Variants in SUSD6 observed in about 807,000 individuals in gnomAD.
SUSD6 encodes sushi domain containing 6, also known as sushi domain-containing protein 6.
SUSD6 carries 16 observed loss-of-function variants against 28.4 expected under a neutral mutation model. That is an observed-to-expected ratio of 0.56 (90% CI 0.38 to 0.86). The LOEUF (loss-of-function observed/expected upper bound fraction) is 0.86, where lower values mean the gene tolerates loss of function less well. SUSD6 is among the 40% of genes least tolerant of loss of function. SUSD6 has a pLI of 0.00. For missense variants in SUSD6, 341 were observed against 384.2 expected (o/e 0.89, Z 0.94); for synonymous variants, 147 against 159.6 (o/e 0.92, Z 0.59).
At chr14:69,655,624 T>C (rs1168604799) in intron 1 of SUSD6, among the ~76,000 whole-genome samples, 1 of 151,360 alleles carries the variant, frequency 6.6e-6, no homozygotes, top group Admixed American at 6.6e-5. Context: ...TAGTGAGACA[T>C]CCTCTCTCTT....
intron 1 of SUSD6, among the ~76,000 whole-genome samples, chr14:69,626,118 G>GA (rs976387798): frequency 6.6e-6 from 1 of 151,868 alleles, no homozygotes; most frequent in African/African-American, 2.4e-5. Context: ...TGAGAGGGGG[G>GA]AAAAAAAGCC....
chr14:69,712,440 TG>T lies in SUSD6; in HGVS notation c.*1462del, dbSNP rs1458989898. 1 of 152,342 alleles carries T rather than the reference TG, an allele frequency of 6.6e-6. No homozygotes were observed. The highest frequency in any genetic ancestry group is 1.9e-4 in the East Asian group (1 of 5,196). The allele number at this position is 152,342 out of a possible 1,614,324, so 9.4% of individuals were successfully genotyped here. A position where few individuals can be genotyped will look rare whatever the true frequency, so the allele number is the denominator to read the frequency against. On this transcript the variant is annotated 3_prime_UTR_variant, in exon 6 of 6. Transcript: ENST00000342745. The stretch of plus-strand genomic sequence containing the variant: ...AACTGCTGTCATCTTAGAAGATAGA[TG>T]CAGCAGTAAGGAATGTTTGTTTTGC...
chr14:69,688,769 A>T (rs532448501), intron 2 of SUSD6, among the ~76,000 whole-genome samples: 1 of 152,312 alleles, frequency 6.6e-6, no homozygotes, highest in East Asian at 1.9e-4. Flanking sequence ...AGGCAGACTT[A>T]TATGGGCAGC....
At chr14:69,708,488 TC>T (rs1202283473) in intron 4 of SUSD6, among the ~76,000 whole-genome samples, 188 bp from the exon 5 acceptor site, 1 of 152,178 alleles carries the variant, frequency 6.6e-6, no homozygotes, top group East Asian at 1.9e-4. Flanking sequence ...TCATTTGCAT[TC>T]TTGGTGAATC....
chr14:69,662,306 C>G (rs1416925928), intron 2 of SUSD6, among the ~76,000 whole-genome samples: 1 of 152,124 alleles, frequency 6.6e-6, no homozygotes, highest in African/African-American at 2.4e-5. Flanking sequence ...CGTCTCTGGT[C>G]GTAGATACCA....
chr14:69,697,919 C>A (rs920971250), intron 2 of SUSD6, among the ~76,000 whole-genome samples: 4 of 152,192 alleles, frequency 2.6e-5, no homozygotes, highest in Non-Finnish European at 5.9e-5. Flanking sequence ...GTAGTGGGGG[C>A]ATGGTTCTGT....
chr14:69,661,772 G>C (rs1885665557), intron 2 of SUSD6, among the ~76,000 whole-genome samples: 1 of 152,106 alleles, frequency 6.6e-6, no homozygotes. Context: ...TTCAGGAAAA[G>C]CCTCTTTTCC....
At chr14:69,639,996 A>G (rs1329234021) in intron 1 of SUSD6, among the ~76,000 whole-genome samples, 1 of 111,858 alleles carries the variant, frequency 8.9e-6, no homozygotes, top group Non-Finnish European at 1.7e-5. Flanking sequence ...GGAAGTGTGC[A>G]TTAGTCTCAG....
chr14:69,613,396 C>T (rs1242138263), intron 1 of SUSD6, among the ~76,000 whole-genome samples: 1 of 152,198 alleles, frequency 6.6e-6, no homozygotes, highest in African/African-American at 2.4e-5. Flanking sequence ...TGGAGTCTTT[C>T]TAAAACCTTC....
chr14:69,699,335 C>T (rs772452799), intron 2 of SUSD6, among the ~76,000 whole-genome samples: 2 of 152,094 alleles, frequency 1.3e-5, no homozygotes, highest in Non-Finnish European at 2.9e-5. Flanking sequence ...TCCTGAGTAG[C>T]TGGGTCTAGA....
intron 2 of SUSD6, among the ~76,000 whole-genome samples, chr14:69,663,316 A>G (rs1885690099): frequency 6.6e-6 from 1 of 152,224 alleles, no homozygotes; most frequent in South Asian, 2.1e-4. Context: ...CGTGTTAAAC[A>G]TCACACAATC....
rs912432645 is a variant in SUSD6 at position 69,712,951 on chromosome 14, G to C, written c.*1972G>C. On this transcript the variant is annotated 3_prime_UTR_variant, in exon 6 of 6. Transcript: ENST00000342745. Reference sequence around the variant, plus strand: ...CCCACCTGGAGGGCTGTCCCTAATGGCCCCAGTCGCCTTACCTCACCCACA... The same window carrying C: ...CCCACCTGGAGGGCTGTCCCTAATGCCCCCAGTCGCCTTACCTCACCCACA... 1 of 152,352 alleles carries C rather than the reference G, an allele frequency of 6.6e-6. No individual in the cohort carries two copies. Among genetic ancestry groups the C allele is most frequent in the Non-Finnish European group, 1.5e-5 (1 of 68,132 alleles). 9.4% of individuals were successfully genotyped at this position (152,352 alleles called of 1,614,324 possible).
rs763301566 is a variant in SUSD6 at position 69,644,064 on chromosome 14, G to GT, written c.-80-14447dup. Among the ~76,000 whole-genome samples, 7 of 152,216 alleles carry GT rather than the reference G, an allele frequency of 4.6e-5. No homozygotes were observed. In the East Asian group the frequency reaches 7.7e-4, roughly 17 times the overall value. On this transcript the variant is annotated intron_variant, in intron 1 of 5. Coordinates refer to ENST00000342745, the MANE Select transcript of SUSD6 (RefSeq NM_014734.4). ...CATGACTTTTCACTTTGTACCTCATGTTGTAATTATTTGTGTTTGTGTCTT... is the reference window on the plus strand; with the variant it reads ...CATGACTTTTCACTTTGTACCTCATGTTTGTAATTATTTGTGTTTGTGTCTT...
intron 1 of SUSD6, among the ~76,000 whole-genome samples, chr14:69,621,939 G>C (rs1566588447): frequency 6.6e-6 from 1 of 152,130 alleles, no homozygotes; most frequent in Non-Finnish European, 1.5e-5. Flanking sequence ...TCAGGGTTTT[G>C]GTGTTGGTAT....
At chr14:69,651,909 A>G (rs1038946727) in intron 1 of SUSD6, among the ~76,000 whole-genome samples, 2 of 152,226 alleles carry the variant, frequency 1.3e-5, no homozygotes, top group African/African-American at 4.8e-5. Flanking sequence ...TCAAAGTGTT[A>G]GGACTTGTTA....
intron 1 of SUSD6, among the ~76,000 whole-genome samples, chr14:69,614,495 A>G (rs1374078839): frequency 2.0e-5 from 3 of 152,224 alleles, no homozygotes; most frequent in Non-Finnish European, 4.4e-5. Context: ...CCAAAAGGTA[A>G]TAATTCACCT....
chr14:69,660,509 C>T (rs1411699953), intron 2 of SUSD6, among the ~76,000 whole-genome samples: 1 of 152,188 alleles, frequency 6.6e-6, no homozygotes, highest in Non-Finnish European at 1.5e-5. Flanking sequence ...TACCAATGTG[C>T]AACAAAATGA....
chr14:69,692,003 C>CA (rs1886160227), intron 2 of SUSD6, among the ~76,000 whole-genome samples: 1 of 148,486 alleles, frequency 6.7e-6, no homozygotes, highest in Non-Finnish European at 1.5e-5. Flanking sequence ...CATGCCACTG[C>CA]ACTCCAGCTT....
intron 5 of SUSD6, 118 bp downstream of exon 5, chr14:69,709,222 C>G: frequency 1.0e-6 from 1 of 959,240 alleles, no homozygotes; most frequent in South Asian, 1.8e-5. Context: ...AAGATAGTAC[C>G]TGGGGTATTT....
Sources: allele counts gnomAD v4.1 joint callset (sites outside exome capture counted in the v4.1 genomes callset), GRCh38; gene constraint gnomAD v4.1.1; transcripts MANE v1.5; gene names NCBI Gene and HGNC (gene_info 2026-07-23, HGNC 2026-07-21).